The following STIM2 variants were observed in gnomAD, a reference collection of about 807,000 sequenced individuals.
STIM2 encodes stromal interaction molecule 2.
Under a neutral mutation model 85.8 loss-of-function variants are expected in STIM2, and 31 were observed. The observed-to-expected ratio is 0.36, with a 90% CI of 0.27 to 0.49. The LOEUF (loss-of-function observed/expected upper bound fraction) is 0.49, where lower values mean the gene tolerates loss of function less well. Among genes scored for constraint, STIM2 ranks in the 20% least tolerant of loss-of-function variants. The probability of loss-of-function intolerance (pLI) is 0.98; values close to 1 mark genes in which losing one functional copy is unlikely to be tolerated. For missense variants in STIM2, 841 were observed against 927.6 expected, an observed-to-expected ratio of 0.91 and a Z score of 1.21; for synonymous variants, 356 against 331.1, an observed-to-expected ratio of 1.08 and a Z score of -0.82.
chr4:26,907,030 TA>T (rs974378349), intron 1 of STIM2, among the ~76,000 whole-genome samples: 2 of 151,694 alleles, frequency 1.3e-5, no homozygotes, highest in African/African-American at 4.8e-5. Context: ...TTGTTTTGGG[TA>T]ATTAATGAGT....
chr4:26,976,967 T>A (rs1241137985), intron 3 of STIM2, among the ~76,000 whole-genome samples: 1 of 152,294 alleles, frequency 6.6e-6, no homozygotes, highest in African/African-American at 2.4e-5. Context: ...TAGCTACATA[T>A]ACACTCACAC....
At position 26,937,581 on chromosome 4, in the gene STIM2, T is replaced by A. The variant is rs557471039; in HGVS notation, c.282+17947T>A. ...TGCCTTTACTGTAACATTAACATTA[T>A]TAGCCTTGTATTATTATTATTATAG... On this transcript the variant is annotated intron_variant, in intron 2 of 11. Transcript: ENST00000467087. Among the ~76,000 whole-genome samples, 3 of 152,326 alleles carry A rather than the reference T, an allele frequency of 2.0e-5. No individual in the cohort carries two copies. In the South Asian group the frequency reaches 6.2e-4, roughly 32 times the overall value.
At chr4:26,973,437 T>G (rs1266098139) in intron 3 of STIM2, among the ~76,000 whole-genome samples, 1 of 152,252 alleles carries the variant, frequency 6.6e-6, no homozygotes. Flanking sequence ...TAGTATGTTG[T>G]ATCTTTGTTC....
intron 2 of STIM2, among the ~76,000 whole-genome samples, chr4:26,932,927 C>G (rs1725256245): frequency 6.6e-6 from 1 of 152,014 alleles, no homozygotes; most frequent in Admixed American, 6.6e-5. Flanking sequence ...ACGACTTGTC[C>G]TGAAAGAACT....
chr4:27,019,525 A>G (rs906356298), intron 11 of STIM2: 2 of 1,272,316 alleles, frequency 1.6e-6, no homozygotes, highest in East Asian at 5.6e-5. Flanking sequence ...TGGAACGTTC[A>G]GTTCTCATTT....
chr4:27,004,140 A>C (rs577186172), intron 7 of STIM2, among the ~76,000 whole-genome samples: 1 of 152,352 alleles, frequency 6.6e-6, no homozygotes, highest in South Asian at 2.1e-4. Flanking sequence ...TCAACTCATG[A>C]GAATACATTA....
At chr4:26,949,086 G>T (rs1000512456) in intron 2 of STIM2, among the ~76,000 whole-genome samples, 6 of 152,054 alleles carry the variant, frequency 3.9e-5, no homozygotes, top group African/African-American at 1.4e-4. Flanking sequence ...TACGGACTTA[G>T]AATAGAATTG....
chr4:26,917,334 A>C (rs1046256239), intron 1 of STIM2, among the ~76,000 whole-genome samples: 2 of 152,142 alleles, frequency 1.3e-5, no homozygotes, highest in Admixed American at 6.5e-5. Flanking sequence ...GTCCCCAGTA[A>C]AATATAAGTT....
intron 2 of STIM2, among the ~76,000 whole-genome samples, chr4:26,931,265 T>A (rs1413632341): frequency 6.6e-6 from 1 of 152,114 alleles, no homozygotes. Flanking sequence ...GTCCCATCAC[T>A]TTTGCTGTAT....
At chr4:26,875,579 C>T (rs1022155379) in intron 1 of STIM2, among the ~76,000 whole-genome samples, 5 of 152,028 alleles carry the variant, frequency 3.3e-5, no homozygotes, top group South Asian at 2.1e-4. Flanking sequence ...CATATAACAA[C>T]GTGAGAACAC....
At chr4:26,947,505 C>G (rs1725878116) in intron 2 of STIM2, among the ~76,000 whole-genome samples, 1 of 152,134 alleles carries the variant, frequency 6.6e-6, no homozygotes, top group African/African-American at 2.4e-5. Flanking sequence ...CCAGGGCTCT[C>G]TTTGCAGATT....
chr4:26,951,582 G>GT (rs144695651), intron 2 of STIM2, among the ~76,000 whole-genome samples: 1 of 151,990 alleles, frequency 6.6e-6, no homozygotes, highest in South Asian at 2.1e-4. Flanking sequence ...TTTTTTAGTT[G>GT]TTTTTTGAGG....
At chr4:27,013,762 GCTA>G (rs1728640679) in intron 10 of STIM2, among the ~76,000 whole-genome samples, 1 of 151,958 alleles carries the variant, frequency 6.6e-6, no homozygotes, top group African/African-American at 2.4e-5. Context: ...CCCTGGGTGG[GCTA>G]CAATAATCAC....
chr4:27,019,242 T>C (rs1728833194), intron 11 of STIM2, among the ~76,000 whole-genome samples: 1 of 152,192 alleles, frequency 6.6e-6, no homozygotes, highest in Non-Finnish European at 1.5e-5. Flanking sequence ...CATTCATAAT[T>C]ATCTAGTAGT....
At position 26,901,547 on chromosome 4, in the gene STIM2, G is replaced by C. The variant is rs542203367; in HGVS notation, c.152-17957G>C. Among the ~76,000 whole-genome samples, 8 of 152,204 alleles carry C rather than the reference G, an allele frequency of 5.3e-5. 1 individual carries two copies. The South Asian group carries it at 1.5e-3, about 28-fold the overall frequency. On this transcript the variant is annotated intron_variant, in intron 1 of 11. Coordinates refer to ENST00000467087, the MANE Select transcript of STIM2 (RefSeq NM_020860.4). ...TATAACTTGCGTCTGCCACAGAGAA[G>C]AGTTTGTCCTTTAAATAAATTTTCC...
chr4:26,971,280 G>A (rs1433167260), intron 3 of STIM2, among the ~76,000 whole-genome samples: 1 of 152,110 alleles, frequency 6.6e-6, no homozygotes, highest in Non-Finnish European at 1.5e-5. Flanking sequence ...GGCTTTTGTG[G>A]CCATTGCTTT....
intron 1 of STIM2, among the ~76,000 whole-genome samples, chr4:26,879,657 A>C (rs1407260656): frequency 6.6e-6 from 1 of 152,194 alleles, no homozygotes; most frequent in Non-Finnish European, 1.5e-5. Flanking sequence ...ATTATCTCAT[A>C]GATAGTAAAG....
At chr4:26,959,293 A>G (rs1212223016) in intron 3 of STIM2, among the ~76,000 whole-genome samples, 2 of 152,076 alleles carry the variant, frequency 1.3e-5, no homozygotes, top group South Asian at 2.1e-4. Context: ...TGGCTATTCA[A>G]CAAATGCAGG....
intron 3 of STIM2, among the ~76,000 whole-genome samples, chr4:26,973,370 G>A (rs1727046663): frequency 1.3e-5 from 2 of 152,054 alleles, no homozygotes; most frequent in Admixed American, 1.3e-4. Context: ...TCTCTTGTGG[G>A]CATTTAGTGC....
Sources: gnomAD v4.1 joint callset for allele counts (sites outside exome capture counted in the v4.1 genomes callset) on GRCh38, gnomAD v4.1.1 for gene constraint, MANE v1.5 for transcripts, NCBI Gene and HGNC (gene_info 2026-07-23, HGNC 2026-07-21) for gene names.